Variants in SFI1 observed in about 807,000 individuals in gnomAD.
SFI1 encodes protein SFI1 homolog.
SFI1 carries 195 observed loss-of-function variants against 207.5 expected under a neutral mutation model. The ratio of observed to expected loss-of-function variants is 0.94; its 90% confidence interval spans 0.84 to 1.06. SFI1 has a LOEUF of 1.06. SFI1 is among the 50% of genes least tolerant of loss of function. The pLI, the probability that SFI1 is intolerant of heterozygous loss-of-function variation, is 0.00. For synonymous variants in SFI1, 630 were observed against 598.9 expected (o/e 1.05, Z -0.76); for missense variants, 1,634 against 1,588.0 (o/e 1.03, Z -0.49).
At chr22:31,568,149 CTCTCTCTA>C (rs2062519134) in intron 8 of SFI1, among the ~76,000 whole-genome samples, 3 of 117,816 alleles carry the variant, frequency 2.5e-5, no homozygotes, top group African/African-American at 6.6e-5. Flanking sequence ...TGGACTCTCT[CTCTCTCTA>C]TATATATATG....
In SFI1 at chr22:31,612,060, C is replaced by G. The variant is rs139108029; in HGVS notation, c.2490+220C>G. ...AACAGTTACTTCAAGGCCAGTTTCTCTCTCTACAGTGTTGTATTAAAAAAT... is the reference window on the plus strand; with the variant it reads ...AACAGTTACTTCAAGGCCAGTTTCTGTCTCTACAGTGTTGTATTAAAAAAT... On this transcript the variant is annotated intron_variant, in intron 24 of 32. Coordinates refer to ENST00000400288, the MANE Select transcript of SFI1 (RefSeq NM_001007467.3). 5,920 of 1,332,730 alleles carry G rather than the reference C, an allele frequency of 4.4e-3. 15 individuals are homozygous for G. The highest frequency in any genetic ancestry group is 5.4e-3 in the Non-Finnish European group (5,613 of 1,034,540). The allele number at this position is 1,332,730 out of a possible 1,614,324, so 82.6% of individuals were successfully genotyped here. A position where few individuals can be genotyped will look rare whatever the true frequency, so the allele number is the denominator to read the frequency against.
chr22:31,586,193 C>A (rs901789626), intron 14 of SFI1, among the ~76,000 whole-genome samples: 1 of 152,098 alleles, frequency 6.6e-6, no homozygotes. Flanking sequence ...TTTGTACCTC[C>A]AGTTCTCTAT....
At position 31,575,354 on chromosome 22, in the gene SFI1, A is replaced by T; in HGVS notation, c.1046A>T (p.Lys349Met). The change falls in exon 10 of 33, where the codon AAG (lysine) becomes ATG (methionine). Residue 349 changes from lysine (K) to methionine (M), a missense_variant. Coordinates refer to ENST00000400288, the MANE Select transcript of SFI1 (RefSeq NM_001007467.3). ...GCCCAGGTGGAGAAACTGGCCAGGA[A>T]GATGGCCCTGCGGCGCGCCTTTACT... ...HHAQVEKLAR[K>M]MALRRAFTHW... 1 of 1,612,534 alleles carries T rather than the reference A, an allele frequency of 6.2e-7. No individual in the cohort carries two copies. The highest frequency in any genetic ancestry group is 1.1e-5 in the South Asian group (1 of 90,588).
At chr22:31,595,560 T>C (rs1213509762) in intron 15 of SFI1, among the ~76,000 whole-genome samples, 1 of 152,220 alleles carries the variant, frequency 6.6e-6, no homozygotes, top group Non-Finnish European at 1.5e-5. Flanking sequence ...GAAGATCTTT[T>C]TGATGACTTT....
At chr22:31,557,194 T>C (rs1602654465) in intron 7 of SFI1, 135 bp downstream of exon 7, 2 of 630,502 alleles carry the variant, frequency 3.2e-6, no homozygotes, top group East Asian at 2.8e-5. Flanking sequence ...TTTTGTTTTT[T>C]TCGAGATAGG....
intron 2 of SFI1, among the ~76,000 whole-genome samples, chr22:31,522,149 C>A (rs953055477): frequency 7.1e-6 from 1 of 140,968 alleles, no homozygotes; most frequent in Non-Finnish European, 1.5e-5. Flanking sequence ...CTCACTGCAA[C>A]CTCCACCTCA....
At chr22:31,606,296 C>A (rs372149652) in intron 20 of SFI1, 32 bp from the exon 21 acceptor site, 2 of 1,592,830 alleles carry the variant, frequency 1.3e-6, no homozygotes, top group African/African-American at 1.3e-5. Flanking sequence ...ATCCTGGTGT[C>A]ATCTGCCTTC....
At chr22:31,557,098 A>AT (rs1291598861) in intron 7 of SFI1, 39 bp downstream of exon 7, 1 of 1,257,180 alleles carries the variant, frequency 8.0e-7, no homozygotes, top group South Asian at 1.3e-5. Flanking sequence ...ACCAGCCATC[A>AT]TTTTACCTCA....
rs1603307515 is a variant in SFI1, at chr22:31,602,080, C to T, written c.1545-132C>T. On this transcript the variant is annotated intron_variant, in intron 15 of 32. Coordinates refer to ENST00000400288, the MANE Select transcript of SFI1 (RefSeq NM_001007467.3). ...GATTGCAGACATGGGCCACTGTGCC[C>T]AGCCACTTAATTCACCTCTTATACG... 1.7e-5 allele frequency: 13 copies of T among 766,646 alleles called. No individual in the cohort carries two copies. In the East Asian group the frequency reaches 3.3e-4, roughly 19 times the overall value. The allele number at this position is 766,646 out of a possible 1,614,324, so 47.5% of individuals were successfully genotyped here.
chr22:31,618,081 AG>A, intron 31 of SFI1, 33 bp from the exon 32 acceptor site: 1 of 1,547,286 alleles, frequency 6.5e-7, no homozygotes, highest in Non-Finnish European at 8.7e-7. Context: ...CCAAGGACCC[AG>A]CCTGGCAGGC....
At chr22:31,581,504 C>T (rs2064176263) in intron 12 of SFI1, among the ~76,000 whole-genome samples, 1 of 151,998 alleles carries the variant, frequency 6.6e-6, no homozygotes, top group Admixed American at 6.6e-5. Context: ...GTTGGTTGGG[C>T]TGGTCGCAAA....
intron 8 of SFI1, among the ~76,000 whole-genome samples, chr22:31,563,342 A>G (rs1461605524): frequency 1.3e-5 from 2 of 152,036 alleles, no homozygotes; most frequent in African/African-American, 4.8e-5. Context: ...TAGACTTGTA[A>G]CCTCAGGAGG....
At chr22:31,584,727 A>T (rs1027187872) in intron 13 of SFI1, among the ~76,000 whole-genome samples, 5 of 152,180 alleles carry the variant, frequency 3.3e-5, no homozygotes, top group African/African-American at 1.2e-4. Flanking sequence ...TGTGAGAGGC[A>T]ACATGTCGTG....
At chr22:31,515,269 G>A (rs1469473593) in intron 2 of SFI1, among the ~76,000 whole-genome samples, 1 of 152,060 alleles carries the variant, frequency 6.6e-6, no homozygotes, top group African/African-American at 2.4e-5. Context: ...GTATGAACAT[G>A]TTCATTGACT....
At chr22:31,524,496 C>T (rs1390139329) in intron 2 of SFI1, among the ~76,000 whole-genome samples, 1 of 151,644 alleles carries the variant, frequency 6.6e-6, no homozygotes, top group Admixed American at 6.6e-5. Context: ...GATCTCAGCT[C>T]ACTGCAACCT....
chr22:31,618,276 G>A (rs752667686), intron 32 of SFI1, 38 bp from the exon 33 acceptor site: 1 of 1,604,268 alleles, frequency 6.2e-7, no homozygotes, highest in East Asian at 2.2e-5. Flanking sequence ...CCCGGGCTGT[G>A]CTCCCTCTCA....
intron 8 of SFI1, 32 bp from the exon 9 acceptor site, chr22:31,573,026 C>T (rs764005947): frequency 4.4e-6 from 7 of 1,609,168 alleles, no homozygotes; most frequent in South Asian, 1.1e-5. Flanking sequence ...TCCTGCCTCT[C>T]CTTTGACTGT....
intron 14 of SFI1, 65 bp downstream of exon 14, chr22:31,585,199 A>G (rs1488529995): frequency 1.4e-6 from 2 of 1,421,284 alleles, no homozygotes; most frequent in South Asian, 1.2e-5. Flanking sequence ...TGCTTTGGAA[A>G]GATTCTTGGA....
intron 24 of SFI1, 83 bp from the exon 25 acceptor site, chr22:31,613,059 G>C: frequency 6.8e-7 from 1 of 1,466,824 alleles, no homozygotes; most frequent in Non-Finnish European, 9.3e-7. Flanking sequence ...GGAGCCAAGA[G>C]GGACGAGCTG....
Sources: gnomAD v4.1 joint callset for allele counts (sites outside exome capture counted in the v4.1 genomes callset) on GRCh38, gnomAD v4.1.1 for gene constraint, MANE v1.5 for transcripts, NCBI Gene and HGNC (gene_info 2026-07-23, HGNC 2026-07-21) for gene names.